KIF17: variants seen among roughly 807,000 people sequenced by gnomAD.
KIF17 encodes kinesin-like protein KIF17.
KIF17 carries 80 observed loss-of-function variants against 96.8 expected under a neutral mutation model. The observed-to-expected ratio is 0.83, with a 90% CI of 0.69 to 1.00. The LOEUF (loss-of-function observed/expected upper bound fraction) is 1.00, where lower values mean the gene tolerates loss of function less well. Ranked by LOEUF, KIF17 falls within the 50% of genes least tolerant of loss-of-function variation. The pLI, the probability that KIF17 is intolerant of heterozygous loss-of-function variation, is 0.00. For missense variants in KIF17, 1,280 were observed against 1,372.9 expected, an observed-to-expected ratio of 0.93 and a Z score of 1.07; for synonymous variants, 567 against 587.5, an observed-to-expected ratio of 0.97 and a Z score of 0.51.
intron 14 of KIF17, among the ~76,000 whole-genome samples, chr1:20,665,988 G>C (rs2053519446): frequency 6.6e-6 from 1 of 152,222 alleles, no homozygotes; most frequent in South Asian, 2.1e-4. Flanking sequence ...CTGGAGCAAA[G>C]AGGAGACTCT....
At chr1:20,664,911 G>C (rs645819) in intron 14 of KIF17, 149 bp from the exon 15 acceptor site, 279,164 of 737,718 alleles carry the variant, frequency 0.38, 53,844 homozygotes, top group Middle Eastern at 0.44. Context: ...GGGACCCCAG[G>C]CTCTGCGAGG....
Position 20,690,352 on chromosome 1 carries a change from G to GGGGGCCCA in KIF17, c.1234-18_1234-17insTGGGCCCC. The GGGGGCCCA allele has an allele frequency of 6.6e-6, 3 of 451,144 alleles. No homozygotes were observed. The highest frequency in any genetic ancestry group is 1.3e-5 in the Non-Finnish European group (3 of 235,124). 27.9% of individuals were successfully genotyped at this position (451,144 alleles called of 1,614,324 possible). ...TTCATACTCCTGGGGGGGTGGGAGG[G>GGGGGCCCA]ACCAGAGGGCAGGCAGCATTTTATC... On this transcript the variant is annotated splice_polypyrimidine_tract_variant and intron_variant, in intron 6 of 14. Transcript: ENST00000400463.
intron 1 of KIF17, among the ~76,000 whole-genome samples, chr1:20,716,240 TCA>T (rs1491465020): frequency 2.1e-5 from 1 of 48,200 alleles, no homozygotes; most frequent in South Asian, 5.0e-4. Flanking sequence ...AGACTCCGTC[TCA>T]AAAAAAAAAA....
Position 20,684,975 on chromosome 1 carries a change from C to T in KIF17, c.2065G>A (p.Ala689Thr), listed in dbSNP as rs1367645667. 3.1e-6 allele frequency: 5 copies of T among 1,605,602 alleles called. No individual in the cohort carries two copies. In the African/African-American group the frequency reaches 6.7e-5, roughly 21 times the overall value. ...SEVALEVVRT[A>T]EPGVWLEAQA... is the part of the protein sequence containing the mutation. The stretch of plus-strand genomic sequence containing the variant: ...GCCTCCAACCACACGCCAGGCTCTG[C>T]TGTCCGCACCACCTCTAAGGCCACT... The change falls in exon 10 of 15, where the codon GCA (alanine) becomes ACA (threonine). Residue 689 changes from alanine (A) to threonine (T), a missense_variant. Physicochemically the swap from Ala to Thr is moderately conservative, Grantham distance 58. Transcript: ENST00000400463.
At position 20,704,884 on chromosome 1, in the gene KIF17, T is replaced by C. The variant is rs745395112; in HGVS notation, c.686A>G (p.Asp229Gly). 2 of 1,600,468 alleles carry C rather than the reference T, an allele frequency of 1.2e-6. No individual in the cohort carries two copies. Among genetic ancestry groups the C allele is most frequent in the Non-Finnish European group, 1.7e-6 (2 of 1,179,862 alleles). ...GTTCAGCTTGCCCGCCCGGAGGTGG[T>C]CCTTGCCCCGCTCATCTGCACACAG... Reference protein sequence around the residue: ...EMSAVDERGKDHLRAGKLNLV... With the variant: ...EMSAVDERGKGHLRAGKLNLV... Residue 229 changes from aspartate (D) to glycine (G), a missense_variant, in exon 5 of 15, where the codon GAC becomes GGC. Asp to Gly is a moderately conservative substitution (Grantham distance 94). Transcript: ENST00000400463. The surrounding 1 kb of genome is among the most constrained non-coding windows in gnomAD (Gnocchi z 6.8).
At position 20,672,192 on chromosome 1, in the gene KIF17, C is replaced by T. The variant is rs149211267; in HGVS notation, c.2468G>A (p.Arg823Gln). The T allele has an allele frequency of 4.5e-5, 72 of 1,613,906 alleles. No individual in the cohort carries two copies. Among genetic ancestry groups the T allele is most frequent in the Non-Finnish European group, 5.3e-5 (63 of 1,180,014 alleles). The change falls in exon 12 of 15, where the codon CGG (arginine) becomes CAG (glutamine). Residue 823 changes from arginine to glutamine, a missense_variant. By Grantham distance (43) the Arg-to-Gln change is conservative. Coordinates refer to ENST00000400463, the MANE Select transcript of KIF17 (RefSeq NM_001122819.3). This position sits in a 1 kb window ranked among gnomAD's most constrained non-coding sequence, Gnocchi z 4.3. ...ATCTTTGATCTCCACCTCTGCTGCC[C>T]GAAGCTGAAAGCAAAGGATGACAAG... ...KLLEKMQRKL[R>Q]AAEVEIKDLQ...
Position 20,715,610 on chromosome 1 carries a change from G to C in KIF17, c.261C>G (p.Ile87Met). The C allele has an allele frequency of 6.2e-7, 1 of 1,613,438 alleles. No individual in the cohort carries two copies. Among genetic ancestry groups the C allele is most frequent in the Non-Finnish European group, 8.5e-7 (1 of 1,179,690 alleles). The change falls in exon 2 of 15, where the codon ATC (isoleucine) becomes ATG (methionine). Residue 87 changes from isoleucine to methionine, a missense_variant. Coordinates refer to ENST00000400463, the MANE Select transcript of KIF17 (RefSeq NM_001122819.3). ...EGVTEGYNGT[I>M]FAYGQTGSGK... is the part of the protein sequence containing the mutation. ...CGCTGCCTGTCTGGCCGTAGGCAAA[G>C]ATGGTGCCATTGTAGCCCTCAGTGA...
At position 20,709,539 on chromosome 1, in the gene KIF17, A is replaced by G. The variant is rs2054399462; in HGVS notation, c.670+100T>C. The G allele has an allele frequency of 7.4e-7, 1 of 1,359,060 alleles. No homozygotes were observed. The highest frequency in any genetic ancestry group is 2.3e-5 in the East Asian group (1 of 43,080). 84.2% of individuals were successfully genotyped at this position (1,359,060 alleles called of 1,614,324 possible). A position where few individuals can be genotyped will look rare whatever the true frequency, so the allele number is the denominator to read the frequency against. ...CCAGGCTGTTAGAGCATCTCTTCCCACTTTCCAGGGGCTCCTGCGGCCCCG... is the reference window on the plus strand; with the variant it reads ...CCAGGCTGTTAGAGCATCTCTTCCCGCTTTCCAGGGGCTCCTGCGGCCCCG... On this transcript the variant is annotated intron_variant, in intron 4 of 14. Transcript: ENST00000400463. The surrounding 1 kb of genome is among the most constrained non-coding windows in gnomAD (Gnocchi z 4.7).
downstream of KIF17, among the ~76,000 whole-genome samples, chr1:20,662,212 G>T (rs555769452): frequency 3.9e-5 from 6 of 152,358 alleles, no homozygotes; most frequent in African/African-American, 1.4e-4. Context: ...CCGGGCTAGA[G>T]TGAACATCCA....
chr1:20,670,563 G>A (rs2053630780), intron 12 of KIF17, 75 bp from the exon 13 acceptor site: 3 of 1,418,632 alleles, frequency 2.1e-6, no homozygotes, highest in South Asian at 1.1e-5. Flanking sequence ...GTGGAGGTGG[G>A]GGTCAGGCCT....
intron 6 of KIF17, among the ~76,000 whole-genome samples, chr1:20,690,744 T>C (rs2054024968): frequency 6.6e-6 from 1 of 151,834 alleles, no homozygotes; most frequent in East Asian, 2.0e-4. Flanking sequence ...TGGAGTGCAG[T>C]GGCGCCATCT....
rs749750923 is a variant in KIF17 at position 20,666,243 on chromosome 1, A to G, written c.2879T>C (p.Ile960Thr). Residue 960 changes from isoleucine to threonine, a missense_variant, in exon 14 of 15, where the codon ATC becomes ACC. Coordinates refer to ENST00000400463, the MANE Select transcript of KIF17 (RefSeq NM_001122819.3). ...GCTCTTCCTGGCGTCTGTGCTGAGG[A>G]TCTGGCTGGCCCGCTTAGATCGGAA... is the stretch of plus-strand genomic sequence containing the variant. ...NYFRSKRASQ[I>T]LSTDARKSLT... 14 of 1,614,126 alleles carry G rather than the reference A, an allele frequency of 8.7e-6. No homozygotes were observed. The highest frequency in any genetic ancestry group is 1.2e-5 in the Non-Finnish European group (14 of 1,179,968).
At chr1:20,677,973 A>G (rs1442379010) in intron 11 of KIF17, among the ~76,000 whole-genome samples, 1 of 152,246 alleles carries the variant, frequency 6.6e-6, no homozygotes, top group African/African-American at 2.4e-5. Flanking sequence ...ACTTTTATCT[A>G]AGAAAGAGAT....
rs115180179 is a variant in KIF17, at chr1:20,704,529, A to G, written c.1041T>C (p.Asp347=). Residue 347 remains aspartate, a synonymous_variant, in exon 5 of 15, where the codon GAT becomes GAC. Coordinates refer to ENST00000400463, the MANE Select transcript of KIF17 (RefSeq NM_001122819.3). This position sits in a 1 kb window ranked among gnomAD's most constrained non-coding sequence, Gnocchi z 6.8. The part of the protein sequence containing the change: ...NKPRINEDPK[D]ALLREYQEEI... ...CCTCCTGGTACTCGCGAAGCAGCGC[A>G]TCCTTGGGGTCCTCATTGATGCGCG... is the stretch of plus-strand genomic sequence containing the variant. The G allele has an allele frequency of 7.1e-5, 114 of 1,614,206 alleles. No individual in the cohort carries two copies. In the African/African-American group the frequency reaches 1.2e-3, roughly 17 times the overall value.
At chr1:20,696,314 T>C (rs1201813289) in intron 6 of KIF17, among the ~76,000 whole-genome samples, 1 of 150,594 alleles carries the variant, frequency 6.6e-6, no homozygotes, top group African/African-American at 2.4e-5. Context: ...AATATGAGAG[T>C]TGAGAAAAAG....
chr1:20,663,653 C>T (rs551723366), downstream of KIF17, among the ~76,000 whole-genome samples: 1 of 152,152 alleles, frequency 6.6e-6, no homozygotes, highest in Non-Finnish European at 1.5e-5. Flanking sequence ...TCCTAGGTAC[C>T]CCCCTATGTG....
chr1:20,686,574 G>A (rs181373982), intron 8 of KIF17, among the ~76,000 whole-genome samples: 1 of 151,662 alleles, frequency 6.6e-6, no homozygotes, highest in Admixed American at 6.5e-5. Flanking sequence ...TTTTTTCTTT[G>A]AGATGGAGTC....
chr1:20,695,604 C>T (rs767413257), intron 6 of KIF17, among the ~76,000 whole-genome samples: 1 of 152,142 alleles, frequency 6.6e-6, no homozygotes, highest in African/African-American at 2.4e-5. Context: ...CCTCTCCCCC[C>T]ACATCCCCTG....
chr1:20,711,348 A>C (rs1443001770), intron 3 of KIF17, among the ~76,000 whole-genome samples: 2 of 152,000 alleles, frequency 1.3e-5, no homozygotes, highest in Non-Finnish European at 2.9e-5. Flanking sequence ...TGATGGCCTC[A>C]GGGGTCCCCC....
Sources: gnomAD v4.1 joint callset for allele counts (sites outside exome capture counted in the v4.1 genomes callset) on GRCh38, gnomAD v4.1.1 for gene constraint, Gnocchi (gnomAD v3.1) non-coding constraint, MANE v1.5 for transcripts, NCBI Gene and HGNC (gene_info 2026-07-23, HGNC 2026-07-21) for gene names.